SLC16A3: variants seen among roughly 807,000 people sequenced by gnomAD.
The protein encoded by SLC16A3 is monocarboxylate transporter 4.
Under a neutral mutation model 25.0 loss-of-function variants are expected in SLC16A3, and 22 were observed. The observed-to-expected ratio is 0.88, with a 90% CI of 0.63 to 1.26. SLC16A3 has a LOEUF of 1.26. Ranked by LOEUF, SLC16A3 falls within the 50% of genes most tolerant of loss-of-function variation. The probability of loss-of-function intolerance (pLI) is 0.00; values close to 1 mark genes in which losing one functional copy is unlikely to be tolerated. For missense variants in SLC16A3, 731 were observed against 666.6 expected (o/e 1.10, Z -1.06); for synonymous variants, 390 against 309.2 (o/e 1.26, Z -2.74).
chr17:82,223,557 T>C (rs1433900732), upstream of SLC16A3, among the ~76,000 whole-genome samples: 2 of 152,044 alleles, frequency 1.3e-5, no homozygotes, highest in African/African-American at 4.8e-5. Flanking sequence ...CAGGCTGGAG[T>C]GCAGTGGTAT....
In SLC16A3 at chr17:82,237,754, T is replaced by C. The variant is rs2147133779; in HGVS notation, c.984T>C (p.Phe328=). The C allele has an allele frequency of 6.2e-7, 1 of 1,612,176 alleles. No individual in the cohort carries two copies. Among genetic ancestry groups the C allele is most frequent in the Non-Finnish European group, 8.5e-7 (1 of 1,179,970 alleles). The change falls in exon 4 of 5, where the codon TTT becomes TTC. Residue 328 remains phenylalanine (F), a synonymous_variant. Coordinates refer to ENST00000582743, the MANE Select transcript of SLC16A3 (RefSeq NM_004207.4). ...YGGLVVFCIF[F]GISYGMVGAL... Reference sequence around the variant, plus strand: ...GCCTCGTGGTCTTCTGCATCTTCTTTGGCATCTCCTACGGCATGGTGGGGG... The same window carrying C: ...GCCTCGTGGTCTTCTGCATCTTCTTCGGCATCTCCTACGGCATGGTGGGGG...
intron 1 of SLC16A3, among the ~76,000 whole-genome samples, chr17:82,232,918 C>CCGGG (rs530479437): frequency 0.017 from 809 of 47,232 alleles, 70 homozygotes; most frequent in South Asian, 0.16. Context: ...TGGGGGGCGG[C>CCGGG]GGGGGGGGGG....
intron 1 of SLC16A3, chr17:82,230,909 T>C (rs937880847): frequency 6.6e-6 from 1 of 152,284 alleles, no homozygotes; most frequent in South Asian, 2.1e-4. Context: ...GACCCGCAGT[T>C]CACGAGTCGA....
chr17:82,223,180 T>TA (rs1434849396), intron 1 of SLC16A3, among the ~76,000 whole-genome samples: 2 of 151,366 alleles, frequency 1.3e-5, no homozygotes, highest in Non-Finnish European at 2.9e-5. Flanking sequence ...ATTAATTAAT[T>TA]ATTATTATTA....
intron 1 of SLC16A3, chr17:82,235,325 C>T (rs2050579211): frequency 1.3e-5 from 2 of 153,744 alleles, no homozygotes; most frequent in African/African-American, 4.8e-5. Flanking sequence ...GCCCCCACTT[C>T]CCCACCCCAC....
intron 1 of SLC16A3, chr17:82,231,495 G>A (rs2050495435): frequency 6.6e-6 from 1 of 152,236 alleles, no homozygotes; most frequent in African/African-American, 2.4e-5. Context: ...CTGGCTTTAG[G>A]GTGGAGGGGC....
In SLC16A3 at chr17:82,237,631, T is replaced by C. The variant is rs765134013; in HGVS notation, c.861T>C (p.Leu287=). 2 of 1,612,878 alleles carry C rather than the reference T, an allele frequency of 1.2e-6. No homozygotes were observed. The highest frequency in any genetic ancestry group is 1.1e-5 in the South Asian group (1 of 91,080). The part of the protein sequence containing the change: ...ARPAAGFVAG[L]GKVRPYSVYL... ...CGGCCGCGGGCTTCGTGGCGGGGCTTGGGAAGGTGCGGCCCTACTCCGTCT... is the reference window on the plus strand; with the variant it reads ...CGGCCGCGGGCTTCGTGGCGGGGCTCGGGAAGGTGCGGCCCTACTCCGTCT... Residue 287 remains leucine, a synonymous_variant, in exon 4 of 5, where the codon CTT becomes CTC. Transcript: ENST00000582743.
intron 1 of SLC16A3, 164 bp from the exon 2 acceptor site, chr17:82,235,819 C>T (rs2147127088): frequency 5.0e-6 from 3 of 605,288 alleles, no homozygotes; most frequent in Non-Finnish European, 8.8e-6. Context: ...CCCTCCAAAC[C>T]CTCCTGCCTC....
chr17:82,225,140 T>C (rs908817965), upstream of SLC16A3, among the ~76,000 whole-genome samples: 2 of 152,032 alleles, frequency 1.3e-5, no homozygotes, highest in Non-Finnish European at 2.9e-5. Context: ...CAGGTGCCGG[T>C]AACCCCAGCT....
intron 2 of SLC16A3, 91 bp downstream of exon 2, chr17:82,236,322 CCG>C: frequency 8.5e-7 from 1 of 1,177,164 alleles, no homozygotes; most frequent in East Asian, 2.4e-5. Context: ...ACAGGGCCTT[CCG>C]CCTGCTCCCC....
In SLC16A3 at chr17:82,238,803, T is replaced by A; in HGVS notation, c.1225T>A (p.Cys409Ser). The A allele has an allele frequency of 6.2e-7, 1 of 1,612,844 alleles. No individual in the cohort carries two copies. The highest frequency in any genetic ancestry group is 1.1e-5 in the South Asian group (1 of 91,062). Residue 409 changes from cysteine (C) to serine (S), a missense_variant, in exon 5 of 5, where the codon TGC becomes AGC. By Grantham distance (112) the Cys-to-Ser change is moderately radical. Coordinates refer to ENST00000582743, the MANE Select transcript of SLC16A3 (RefSeq NM_004207.4). ...SLILLLGNFF[C>S]IRKKPKEPQP... ...GATTTTGCTGCTGGGCAACTTCTTC[T>A]GCATTAGGAAGAAGCCCAAAGAGCC...
Position 82,220,032 on chromosome 17 carries a change from G to C in SLC16A3, c.-27+1848G>C, listed in dbSNP as rs143107094. Among the ~76,000 whole-genome samples, 202 of 152,250 alleles carry C rather than the reference G, an allele frequency of 1.3e-3. 3 individuals are homozygous for C. Among genetic ancestry groups the C allele is most frequent in the East Asian group, 5.8e-4 (3 of 5,172 alleles). ...GGGGGGGCCCTTTCACAGCAGGTTG[G>C]GGGGGCTCTCAGGGCCACACTTTGC... On this transcript the variant is annotated intron_variant, in intron 1 of 4. Transcript: ENST00000580098.
At chr17:82,234,835 AAG>A (rs2050570231) in intron 1 of SLC16A3, 1 of 152,320 alleles carries the variant, frequency 6.6e-6, no homozygotes, top group African/African-American at 2.4e-5. Flanking sequence ...AACCCAAGGA[AAG>A]GGGGTGGGGG....
upstream of SLC16A3, among the ~76,000 whole-genome samples, chr17:82,228,855 G>C (rs1450433961): frequency 6.6e-6 from 1 of 150,798 alleles, no homozygotes; most frequent in Admixed American, 6.6e-5. Context: ...GTTCCGGTTG[G>C]GGGGGTCCCT....
upstream of SLC16A3, among the ~76,000 whole-genome samples, chr17:82,225,717 G>A (rs2050417544): frequency 6.6e-6 from 1 of 152,222 alleles, no homozygotes; most frequent in Non-Finnish European, 1.5e-5. Flanking sequence ...GGCCAAGACT[G>A]GGTCAGGACG....
chr17:82,225,594 G>A (rs952508714), upstream of SLC16A3, among the ~76,000 whole-genome samples: 8 of 152,132 alleles, frequency 5.3e-5, no homozygotes, highest in Admixed American at 1.3e-4. Context: ...CCAGGGAGGC[G>A]GGGCTGTGGC....
In SLC16A3 at chr17:82,237,562, C is replaced by A. The variant is rs773686664; in HGVS notation, c.792C>A (p.Ala264=). 1 of 1,611,478 alleles carries A rather than the reference C, an allele frequency of 6.2e-7. No individual in the cohort carries two copies. Among genetic ancestry groups the A allele is most frequent in the Non-Finnish European group, 8.5e-7 (1 of 1,178,884 alleles). The change falls in exon 4 of 5, where the codon GCC becomes GCA. Residue 264 remains alanine, a synonymous_variant. Transcript: ENST00000582743. ...TGGGCGTGCCCGACACCAAGGCCGC[C>A]TTCCTGCTCACCATCCTGGGCTTCA... ...KDLGVPDTKA[A]FLLTILGFID...
chr17:82,235,667 G>A (rs958483416), intron 1 of SLC16A3: 1 of 402,806 alleles, frequency 2.5e-6, no homozygotes, highest in Non-Finnish European at 4.7e-6. Flanking sequence ...ATGACGGCCA[G>A]GTCGATGTTC....
At chr17:82,228,830 G>A (rs2147112185), upstream of SLC16A3, among the ~76,000 whole-genome samples, 1 of 151,712 alleles carries the variant, frequency 6.6e-6, no homozygotes, top group Non-Finnish European at 1.5e-5. Flanking sequence ...CGGGCCGGGG[G>A]CGCCGACGGG....
Sources: allele counts gnomAD v4.1 joint callset (sites outside exome capture counted in the v4.1 genomes callset), GRCh38; gene constraint gnomAD v4.1.1; transcripts MANE v1.5; gene names NCBI Gene and HGNC (gene_info 2026-07-23, HGNC 2026-07-21).